PDE3B: variants seen among roughly 807,000 people sequenced by gnomAD.
The protein encoded by PDE3B is cGMP-inhibited 3',5'-cyclic phosphodiesterase 3B.
A neutral mutation model predicts 116.8 loss-of-function variants in PDE3B; 66 were observed. That is an observed-to-expected ratio of 0.56 (90% CI 0.46 to 0.69). The LOEUF is 0.69. Ranked by LOEUF, PDE3B falls within the 30% of genes least tolerant of loss-of-function variation. The pLI, the probability that PDE3B is intolerant of heterozygous loss-of-function variation, is 0.00. For synonymous variants in PDE3B, 595 were observed against 533.6 expected (o/e 1.12, Z -1.59); for missense variants, 1,384 against 1,368.1 (o/e 1.01, Z -0.18).
intron 12 of PDE3B, among the ~76,000 whole-genome samples, chr11:14,857,651 G>A (rs1183744616): frequency 9.2e-5 from 14 of 151,912 alleles, no homozygotes; most frequent in African/African-American, 2.7e-4. Context: ...TCCCCCCTCC[G>A]CCCATTTTAT....
At chr11:14,829,244 A>G (rs555283334) in intron 7 of PDE3B, among the ~76,000 whole-genome samples, 1 of 152,252 alleles carries the variant, frequency 6.6e-6, no homozygotes, top group Admixed American at 6.5e-5. Flanking sequence ...CTGTACAACA[A>G]ACCCCTTTGT....
intron 12 of PDE3B, among the ~76,000 whole-genome samples, chr11:14,851,557 T>A: frequency 6.6e-6 from 1 of 151,980 alleles, no homozygotes. Flanking sequence ...AAGGGCCATG[T>A]GATTCATTTA....
the PDE3B span, among the ~76,000 whole-genome samples, chr11:14,888,433 T>C: frequency 6.6e-6 from 1 of 152,238 alleles, no homozygotes; most frequent in African/African-American, 2.4e-5. Flanking sequence ...TGCAAAGTGC[T>C]GTTGATGAAA....
chr11:14,669,208 G>A (rs2133777619), intron 1 of PDE3B, among the ~76,000 whole-genome samples: 1 of 152,244 alleles, frequency 6.6e-6, no homozygotes, highest in African/African-American at 2.4e-5. Flanking sequence ...TCTGGTAGTA[G>A]AGGAGCATCA....
chr11:14,736,891 C>T (rs758227779), intron 1 of PDE3B, among the ~76,000 whole-genome samples: 17 of 152,076 alleles, frequency 1.1e-4, no homozygotes, highest in Non-Finnish European at 2.2e-4. Flanking sequence ...GAAGTGGGTT[C>T]TGAACACCCA....
chr11:14,718,032 T>A (rs917989312), intron 1 of PDE3B, among the ~76,000 whole-genome samples: 2 of 150,420 alleles, frequency 1.3e-5, no homozygotes, highest in East Asian at 3.9e-4. Flanking sequence ...ACCCATCTCA[T>A]GTGCAGAGAC....
At chr11:14,715,382 C>T (rs995025255) in intron 1 of PDE3B, among the ~76,000 whole-genome samples, 5 of 152,140 alleles carry the variant, frequency 3.3e-5, no homozygotes. Context: ...TTGATTCTTC[C>T]TACCCATGAG....
chr11:14,803,828 G>T, intron 4 of PDE3B, 116 bp from the exon 5 acceptor site: 1 of 648,412 alleles, frequency 1.5e-6, no homozygotes, highest in Non-Finnish European at 2.7e-6. Flanking sequence ...AGGCACTAGA[G>T]GCGCAAACTC....
chr11:14,855,882 T>C (rs1271653917), intron 12 of PDE3B, among the ~76,000 whole-genome samples: 1 of 152,212 alleles, frequency 6.6e-6, no homozygotes, highest in Non-Finnish European at 1.5e-5. Flanking sequence ...TTTTAAACAG[T>C]CATATCTTGA....
At chr11:14,767,798 A>G (rs964069739) in intron 1 of PDE3B, among the ~76,000 whole-genome samples, 5 of 151,486 alleles carry the variant, frequency 3.3e-5, no homozygotes, top group Non-Finnish European at 7.4e-5. Context: ...TGGGACAATG[A>G]GGAACAACTA....
chr11:14,736,464 G>C (rs1856604527), intron 1 of PDE3B, among the ~76,000 whole-genome samples: 1 of 152,152 alleles, frequency 6.6e-6, no homozygotes, highest in South Asian at 2.1e-4. Flanking sequence ...TGGGCAAGGA[G>C]AATGATGTAC....
the PDE3B span, chr11:14,880,611 T>C: frequency 6.2e-7 from 1 of 1,611,934 alleles, no homozygotes; most frequent in South Asian, 1.1e-5. Context: ...AGTCAAAAGG[T>C]CTACCTTTGT....
chr11:14,826,158 C>A (rs1000623207), intron 7 of PDE3B, among the ~76,000 whole-genome samples: 1 of 151,944 alleles, frequency 6.6e-6, no homozygotes, highest in African/African-American at 2.4e-5. Context: ...GCAGCCATAT[C>A]AAAAATTTAG....
At chr11:14,676,224 G>A (rs1041046412) in intron 1 of PDE3B, among the ~76,000 whole-genome samples, 8 of 152,098 alleles carry the variant, frequency 5.3e-5, no homozygotes, top group Non-Finnish European at 7.4e-5. Flanking sequence ...ACAGTCATGC[G>A]TTGCTTAACA....
At chr11:14,838,039 C>T (rs2133968762) in intron 11 of PDE3B, among the ~76,000 whole-genome samples, 1 of 151,378 alleles carries the variant, frequency 6.6e-6, no homozygotes, top group African/African-American at 2.4e-5. Flanking sequence ...AGTGCAGTGG[C>T]GCGATCTCGG....
chr11:14,710,724 GAGAC>G (rs1315016851), intron 1 of PDE3B, among the ~76,000 whole-genome samples: 1 of 152,174 alleles, frequency 6.6e-6, no homozygotes, highest in African/African-American at 2.4e-5. Flanking sequence ...AGGGAGGAGA[GAGAC>G]AGAGACTGAG....
chr11:14,800,551 G>T (rs1858720653), intron 4 of PDE3B, among the ~76,000 whole-genome samples: 1 of 152,180 alleles, frequency 6.6e-6, no homozygotes, highest in Non-Finnish European at 1.5e-5. Context: ...GCTTCCCTTT[G>T]TGAGTAACCT....
chr11:14,644,405 G>A lies in PDE3B; in HGVS notation c.330G>A (p.Thr110=). 1 of 1,607,134 alleles carries A rather than the reference G, an allele frequency of 6.2e-7. No individual in the cohort carries two copies. Among genetic ancestry groups the A allele is most frequent in the Non-Finnish European group, 8.5e-7 (1 of 1,177,502 alleles). The change falls in exon 1 of 16, where the codon ACG becomes ACA. Residue 110 remains threonine (T), a synonymous_variant. Transcript: ENST00000282096. ...SWAAGAAWLR[T]LLSVCSHSLS... ...CTGCCGGGGCCGCCTGGCTGCGGAC[G>A]CTGCTGAGCGTGTGTTCGCACAGCT...
chr11:14,829,300 T>TA (rs1565155373), intron 7 of PDE3B, among the ~76,000 whole-genome samples: 2 of 151,792 alleles, frequency 1.3e-5, no homozygotes, highest in South Asian at 4.2e-4. Context: ...CCACTAAACT[T>TA]AAAAAATAAA....
Sources: gnomAD v4.1 joint callset for allele counts (sites outside exome capture counted in the v4.1 genomes callset) on GRCh38, gnomAD v4.1.1 for gene constraint, MANE v1.5 for transcripts, NCBI Gene and HGNC (gene_info 2026-07-23, HGNC 2026-07-21) for gene names.